RBFOX1: variants seen among roughly 807,000 people sequenced by gnomAD.
RBFOX1 encodes the protein RNA binding protein fox-1 homolog 1.
A neutral mutation model predicts 57.7 loss-of-function variants in RBFOX1; 8 were observed. That is an observed-to-expected ratio of 0.14 (90% CI 0.08 to 0.25). The LOEUF (loss-of-function observed/expected upper bound fraction) is 0.25. Ranked by LOEUF, RBFOX1 falls within the 10% of genes least tolerant of loss-of-function variation. RBFOX1 has a pLI of 1.00. For missense variants in RBFOX1, 611 were observed against 548.5 expected (o/e 1.11, Z -1.14); for synonymous variants, 326 against 222.4 (o/e 1.47, Z -4.15).
intron 4 of RBFOX1, among the ~76,000 whole-genome samples, chr16:7,155,134 T>C (rs889195097): frequency 6.6e-6 from 1 of 152,182 alleles, no homozygotes; most frequent in Non-Finnish European, 1.5e-5. Flanking sequence ...ACAACTGTTA[T>C]CAGCCTACAG....
chr16:7,107,622 C>T (rs926066711), intron 4 of RBFOX1, among the ~76,000 whole-genome samples: 2 of 152,120 alleles, frequency 1.3e-5, no homozygotes, highest in Admixed American at 1.3e-4. Context: ...TGACATCCTT[C>T]TTTCCGCTCC....
intron 4 of RBFOX1, among the ~76,000 whole-genome samples, chr16:7,387,643 G>C (rs17143534): frequency 0.012 from 1,901 of 152,240 alleles, 37 homozygotes; most frequent in African/African-American, 0.042. Flanking sequence ...GTGTTTGGAA[G>C]AAAGGTGAAA....
chr16:7,106,505 G>C (rs988948367), intron 4 of RBFOX1, among the ~76,000 whole-genome samples: 3 of 152,020 alleles, frequency 2.0e-5, no homozygotes, highest in African/African-American at 7.2e-5. Context: ...TAATTCAGTA[G>C]GTCATTAATT....
At chr16:5,684,285 C>A (rs369184188) in intron 3 of RBFOX1, among the ~76,000 whole-genome samples, 5 of 152,080 alleles carry the variant, frequency 3.3e-5, no homozygotes, top group Non-Finnish European at 7.4e-5. Flanking sequence ...CAGATTTGAA[C>A]TAATAGGATA....
chr16:6,698,660 T>C (rs1043511828), intron 3 of RBFOX1, among the ~76,000 whole-genome samples: 1 of 152,192 alleles, frequency 6.6e-6, no homozygotes, highest in African/African-American at 2.4e-5. Flanking sequence ...ACCACCCCTT[T>C]TAGGTTAGAA....
At chr16:6,987,605 T>G (rs1254857744) in intron 3 of RBFOX1, among the ~76,000 whole-genome samples, 2 of 152,014 alleles carry the variant, frequency 1.3e-5, no homozygotes, top group Non-Finnish European at 1.5e-5. Context: ...GCAATCTCAT[T>G]CATAAATGGA....
intron 2 of RBFOX1, among the ~76,000 whole-genome samples, chr16:5,468,367 C>T (rs1304258156): frequency 6.6e-6 from 1 of 152,164 alleles, no homozygotes; most frequent in Non-Finnish European, 1.5e-5. Flanking sequence ...CTCCCTTCAG[C>T]CCCTGACAGA....
chr16:5,404,742 G>T (rs2066815536), intron 1 of RBFOX1, among the ~76,000 whole-genome samples: 1 of 152,112 alleles, frequency 6.6e-6, no homozygotes, highest in Admixed American at 6.5e-5. Flanking sequence ...GAGCCTGCAG[G>T]GCAAGATCCT....
chr16:6,708,269 A>G (rs2063113750), intron 3 of RBFOX1, among the ~76,000 whole-genome samples: 1 of 140,414 alleles, frequency 7.1e-6, no homozygotes, highest in Admixed American at 7.7e-5. Context: ...GGGCTAGGAT[A>G]GTCCCAAAGC....
intron 3 of RBFOX1, among the ~76,000 whole-genome samples, chr16:5,807,653 T>C (rs997440345): frequency 2.0e-5 from 3 of 152,218 alleles, no homozygotes; most frequent in Non-Finnish European, 2.9e-5. Flanking sequence ...GGATCAATTC[T>C]GGATTCTGGA....
chr16:6,924,024 G>C (rs918343518), intron 3 of RBFOX1, among the ~76,000 whole-genome samples: 2 of 151,844 alleles, frequency 1.3e-5, no homozygotes, highest in African/African-American at 4.8e-5. Flanking sequence ...ACAAACATTA[G>C]TCAGGTATGG....
rs2095022321 is a variant in RBFOX1, at chr16:6,019,180, T to G, written c.-939T>G. ...TAATCTATATTTTTACTGGAAGATT[T>G]CCTCTTTATTCTCTCCCGCCCTCCT... On this transcript the variant is annotated 5_prime_UTR_variant, in exon 1 of 16. Transcript: ENST00000550418. This position sits in a 1 kb window ranked among gnomAD's most constrained non-coding sequence, Gnocchi z 4.2. The G allele has an allele frequency of 2.0e-6, 2 of 985,178 alleles. No individual in the cohort carries two copies. The highest frequency in any genetic ancestry group is 6.2e-5 in the Admixed American group (1 of 16,236). 61.0% of individuals were successfully genotyped at this position (985,178 alleles called of 1,614,324 possible). A position where few individuals can be genotyped will look rare whatever the true frequency, so the allele number is the denominator to read the frequency against.
chr16:7,060,018 T>G (rs542494188), intron 4 of RBFOX1, among the ~76,000 whole-genome samples: 56 of 152,330 alleles, frequency 3.7e-4, no homozygotes, highest in Middle Eastern at 3.4e-3. Context: ...CTCAGAAATG[T>G]GGAAAGATTC....
chr16:6,106,738 G>C (rs1327127733), intron 1 of RBFOX1, among the ~76,000 whole-genome samples: 1 of 152,092 alleles, frequency 6.6e-6, no homozygotes, highest in Non-Finnish European at 1.5e-5. Flanking sequence ...CCTGATCTCA[G>C]CTCACTGCAA....
At chr16:5,513,417 A>C (rs139259327) in intron 2 of RBFOX1, among the ~76,000 whole-genome samples, 12 of 152,254 alleles carry the variant, frequency 7.9e-5, no homozygotes, top group African/African-American at 2.6e-4. Flanking sequence ...TATCGCTGTT[A>C]ACCTTGGCCT....
intron 3 of RBFOX1, among the ~76,000 whole-genome samples, chr16:6,982,153 A>G (rs1302970983): frequency 6.6e-6 from 1 of 152,152 alleles, no homozygotes; most frequent in African/African-American, 2.4e-5. Context: ...ATCCATGTTT[A>G]TGGTATTGGA....
intron 4 of RBFOX1, among the ~76,000 whole-genome samples, chr16:7,147,747 C>G (rs534266079): frequency 5.3e-5 from 8 of 152,052 alleles, no homozygotes; most frequent in South Asian, 4.1e-4. Flanking sequence ...AATTTCATGT[C>G]TTTGCTATGG....
chr16:7,204,901 C>G, intron 4 of RBFOX1, among the ~76,000 whole-genome samples: 1 of 152,166 alleles, frequency 6.6e-6, no homozygotes, highest in Non-Finnish European at 1.5e-5. Flanking sequence ...ATATATTCAT[C>G]TTTCTATGTC....
intron 3 of RBFOX1, among the ~76,000 whole-genome samples, chr16:6,667,142 C>T (rs1370954286): frequency 6.6e-6 from 1 of 152,050 alleles, no homozygotes; most frequent in African/African-American, 2.4e-5. Flanking sequence ...GGTAAAAAGA[C>T]GCAGAGCTTC....
Sources: allele counts gnomAD v4.1 joint callset (sites outside exome capture counted in the v4.1 genomes callset), GRCh38; gene constraint gnomAD v4.1.1; non-coding constraint Gnocchi (gnomAD v3.1); transcripts MANE v1.5; gene names NCBI Gene and HGNC (gene_info 2026-07-23, HGNC 2026-07-21).